Variants in HCRTR2 observed in about 807,000 individuals in gnomAD.
HCRTR2 encodes the protein orexin receptor type 2.
A neutral mutation model predicts 49.0 loss-of-function variants in HCRTR2; 22 were observed. The observed-to-expected ratio is 0.45, with a 90% CI of 0.32 to 0.64. HCRTR2 has a LOEUF of 0.64. Ranked by LOEUF, HCRTR2 falls within the 30% of genes least tolerant of loss-of-function variation. The pLI, the probability that HCRTR2 is intolerant of heterozygous loss-of-function variation, is 0.04. For missense variants in HCRTR2, 491 were observed against 559.4 expected (o/e 0.88, Z 1.23); for synonymous variants, 236 against 205.3 (o/e 1.15, Z -1.28).
At chr6:55,274,955 T>G (rs1426782993) in intron 4 of HCRTR2, among the ~76,000 whole-genome samples, 1 of 152,166 alleles carries the variant, frequency 6.6e-6, no homozygotes, top group African/African-American at 2.4e-5. Flanking sequence ...AATGGACCTA[T>G]CTGGGCCTGG....
At chr6:55,278,533 T>C (rs896442238) in intron 5 of HCRTR2, among the ~76,000 whole-genome samples, 3 of 152,060 alleles carry the variant, frequency 2.0e-5, no homozygotes, top group African/African-American at 7.2e-5. Context: ...GGCCCCTGTT[T>C]TTGATGGTTT....
chr6:55,255,927 C>A (rs137891238), intron 3 of HCRTR2, among the ~76,000 whole-genome samples: 1 of 152,140 alleles, frequency 6.6e-6, no homozygotes, highest in Admixed American at 6.6e-5. Flanking sequence ...TATTGCTACT[C>A]GCATAATTAT....
chr6:55,227,879 G>A (rs1430412939), intron 1 of HCRTR2, among the ~76,000 whole-genome samples: 2 of 152,110 alleles, frequency 1.3e-5, no homozygotes, highest in East Asian at 1.9e-4. Flanking sequence ...AGTAACATAG[G>A]AAGAGAAATA....
chr6:55,195,221 A>G (rs1765388339), intron 1 of HCRTR2, among the ~76,000 whole-genome samples: 1 of 152,204 alleles, frequency 6.6e-6, no homozygotes, highest in Non-Finnish European at 1.5e-5. Flanking sequence ...AAATATCACA[A>G]TAGGAAACAC....
intron 1 of HCRTR2, among the ~76,000 whole-genome samples, chr6:55,122,832 C>T (rs1764220007): frequency 6.6e-6 from 1 of 151,980 alleles, no homozygotes; most frequent in Admixed American, 6.6e-5. Context: ...ATGGATGAAG[C>T]TGGAAACCGT....
intron 1 of HCRTR2, chr6:55,240,822 G>A (rs776193878): frequency 1.2e-5 from 5 of 411,330 alleles, no homozygotes; most frequent in Non-Finnish European, 1.5e-5. Flanking sequence ...GAAAATAGGA[G>A]TTAAATATAG....
chr6:55,182,226 C>T (rs538124501), intron 1 of HCRTR2, among the ~76,000 whole-genome samples: 33 of 152,280 alleles, frequency 2.2e-4, no homozygotes, highest in African/African-American at 3.9e-4. Flanking sequence ...TTCCAATGAC[C>T]GCCCCCGGGC....
chr6:55,272,031 G>C (rs1367725192), intron 4 of HCRTR2, among the ~76,000 whole-genome samples: 1 of 152,038 alleles, frequency 6.6e-6, no homozygotes, highest in Non-Finnish European at 1.5e-5. Flanking sequence ...GAGAACTGAA[G>C]ACATGTTTAC....
intron 1 of HCRTR2, among the ~76,000 whole-genome samples, chr6:55,114,197 C>T (rs145209076): frequency 1.4e-3 from 219 of 151,686 alleles, no homozygotes; most frequent in African/African-American, 5.0e-3. Context: ...TATGGGTGCA[C>T]CAAAATCTCA....
At chr6:55,240,622 A>G (rs763655664) in intron 1 of HCRTR2, among the ~76,000 whole-genome samples, 18 of 152,142 alleles carry the variant, frequency 1.2e-4, no homozygotes, top group Non-Finnish European at 2.2e-4. Context: ...AGCAATAGAA[A>G]GGAGGGCCAA....
At chr6:55,133,544 A>G (rs545962361) in intron 1 of HCRTR2, among the ~76,000 whole-genome samples, 1 of 152,018 alleles carries the variant, frequency 6.6e-6, no homozygotes, top group South Asian at 2.1e-4. Flanking sequence ...TAACTTATTG[A>G]TGACCTCACT....
intron 2 of HCRTR2, among the ~76,000 whole-genome samples, chr6:55,249,850 T>A (rs1372468184): frequency 1.3e-5 from 2 of 152,128 alleles, no homozygotes; most frequent in East Asian, 3.9e-4. Flanking sequence ...GACCACTCTC[T>A]GCTTGTCTTC....
Position 55,174,636 on chromosome 6 carries a change from T to C in HCRTR2, c.49T>C (p.Ser17Pro). The change falls in exon 1 of 7, where the codon TCT becomes CCT. Residue 17 changes from serine to proline, a missense_variant. Physicochemically the swap from Ser to Pro is moderately conservative, Grantham distance 74. Transcript: ENST00000370862. Reference protein sequence around the residue: ...EDSPPCRNWSSASELNETQEP... With the variant: ...EDSPPCRNWSPASELNETQEP... ...CTCCCCCCCTTGTCGCAACTGGTCA[T>C]CTGCTTCGGAGCTGAATGAAACTCA... 1 of 1,613,994 alleles carries C rather than the reference T, an allele frequency of 6.2e-7. No homozygotes were observed. Among genetic ancestry groups the C allele is most frequent in the Non-Finnish European group, 8.5e-7 (1 of 1,179,976 alleles).
chr6:55,163,071 C>G (rs1047809548), intron 1 of HCRTR2, among the ~76,000 whole-genome samples: 13 of 151,964 alleles, frequency 8.6e-5, no homozygotes, highest in African/African-American at 2.9e-4. Context: ...CCCGTCTCTA[C>G]TAAAAATACA....
intron 1 of HCRTR2, among the ~76,000 whole-genome samples, chr6:55,130,717 C>G (rs1472979602): frequency 6.6e-6 from 1 of 151,816 alleles, no homozygotes; most frequent in African/African-American, 2.4e-5. Flanking sequence ...TCCTTGAAGA[C>G]TAAAATGTTT....
intron 2 of HCRTR2, among the ~76,000 whole-genome samples, chr6:55,254,826 A>G (rs992473542): frequency 1.3e-5 from 2 of 151,974 alleles, no homozygotes; most frequent in African/African-American, 4.8e-5. Context: ...ACAGGACAAA[A>G]TAATTACAGT....
intron 3 of HCRTR2, among the ~76,000 whole-genome samples, chr6:55,261,602 C>A (rs1025082210): frequency 2.6e-5 from 4 of 151,758 alleles, no homozygotes; most frequent in African/African-American, 9.7e-5. Flanking sequence ...ACAAGGATGG[C>A]CATAATCAAA....
intron 4 of HCRTR2, among the ~76,000 whole-genome samples, chr6:55,270,953 T>C (rs1766962181): frequency 6.6e-6 from 1 of 152,174 alleles, no homozygotes. Flanking sequence ...GATTCAATCT[T>C]GTTAAAATAG....
chr6:55,193,850 G>A (rs769768273), intron 1 of HCRTR2, among the ~76,000 whole-genome samples: 39 of 152,038 alleles, frequency 2.6e-4, no homozygotes, highest in Non-Finnish European at 4.9e-4. Context: ...TTGATACCAT[G>A]GGTTTCTCTG....
Sources: allele counts gnomAD v4.1 joint callset (sites outside exome capture counted in the v4.1 genomes callset), GRCh38; gene constraint gnomAD v4.1.1; transcripts MANE v1.5; gene names NCBI Gene and HGNC (gene_info 2026-07-23, HGNC 2026-07-21).